TAF2: variants seen among roughly 807,000 people sequenced by gnomAD.
TAF2 encodes the protein transcription initiation factor TFIID subunit 2.
Under a neutral mutation model 138.5 loss-of-function variants are expected in TAF2, and 61 were observed. The ratio of observed to expected loss-of-function variants is 0.44; its 90% CI spans 0.36 to 0.54. The LOEUF is 0.54. Among genes scored for constraint, TAF2 ranks in the 20% least tolerant of loss-of-function variants. The probability of loss-of-function intolerance (pLI) is 0.00; values close to 1 mark genes in which losing one functional copy is unlikely to be tolerated. For synonymous variants in TAF2, 475 were observed against 469.9 expected (o/e 1.01, Z -0.14); for missense variants, 1,090 against 1,427.9 (o/e 0.76, Z 3.81).
intron 21 of TAF2, among the ~76,000 whole-genome samples, chr8:119,756,515 A>G (rs180971997): frequency 6.6e-6 from 1 of 152,318 alleles, no homozygotes; most frequent in African/African-American, 2.4e-5. Context: ...ACTGGTCAGT[A>G]AGTATAAAAA....
intron 20 of TAF2, 130 bp from the exon 21 acceptor site, chr8:119,758,272 G>T: frequency 1.3e-6 from 1 of 755,598 alleles, no homozygotes; most frequent in Non-Finnish European, 2.2e-6. Flanking sequence ...CAGAGTTGAA[G>T]GTTATAGGTA....
chr8:119,743,123 T>C (rs1297252772), intron 24 of TAF2, among the ~76,000 whole-genome samples: 1 of 152,012 alleles, frequency 6.6e-6, no homozygotes, highest in East Asian at 1.9e-4. Flanking sequence ...CTGAGTTATT[T>C]TACAGTTACT....
At chr8:119,819,240 C>T (rs1825674443) in intron 3 of TAF2, 106 bp downstream of exon 3, 12 of 1,150,622 alleles carry the variant, frequency 1.0e-5, no homozygotes, top group Non-Finnish European at 1.4e-5. Flanking sequence ...GATTCAAAGC[C>T]CATTAACGAT....
At chr8:119,801,435 CTTTTTT>C (rs112527778) in intron 6 of TAF2, among the ~76,000 whole-genome samples, 1 of 139,708 alleles carries the variant, frequency 7.2e-6, no homozygotes, top group African/African-American at 2.6e-5. Context: ...TAATATCTAC[CTTTTTT>C]TTTTTTTTTT....
In TAF2 at chr8:119,778,161, A is replaced by C. The variant is rs7843412; in HGVS notation, c.2254-32T>G. 1.8e-3 allele frequency: 2,425 copies of C among 1,329,446 alleles called. 32 individuals carry two copies. The African/African-American group carries it at 0.032, about 17-fold the overall frequency. The allele number at this position is 1,329,446 out of a possible 1,614,324, so 82.4% of individuals were successfully genotyped here. A position where few individuals can be genotyped will look rare whatever the true frequency, so the allele number is the denominator to read the frequency against. Reference sequence around the variant, plus strand: ...AAGAAAAAAAAGAACTTTTAAAAGCACAGAACCTAACTTTTTGTTACTACA... The same window carrying C: ...AAGAAAAAAAAGAACTTTTAAAAGCCCAGAACCTAACTTTTTGTTACTACA... On this transcript the variant is annotated intron_variant, in intron 17 of 25. Transcript: ENST00000378164.
rs1383586798 is a variant in TAF2 at position 119,785,240 on chromosome 8, A to T, written c.1820T>A (p.Met607Lys). Residue 607 changes from methionine (M) to lysine (K), a missense_variant, in exon 15 of 26, where the codon ATG becomes AAG. Physicochemically the swap from Met to Lys is moderately conservative, Grantham distance 95. Transcript: ENST00000378164. ...ATCCATATCAACTTCTTCTCCATTC[A>T]TCAGTGGGATTTTTTTCTTTTTATT... ...RRNKKKKIPL[M>K]NGEEVDMDLS... 2 of 1,612,778 alleles carry T rather than the reference A, an allele frequency of 1.2e-6. No individual in the cohort carries two copies. Among genetic ancestry groups the T allele is most frequent in the Non-Finnish European group, 1.7e-6 (2 of 1,179,270 alleles).
rs535757712 is a variant in TAF2 at position 119,832,570 on chromosome 8, G to A, written c.-6C>T. On this transcript the variant is annotated 5_prime_UTR_variant, in exon 1 of 26. Transcript: ENST00000378164. ...TCTACACCAGTCAGCGGCATGAAGC[G>A]GTCCCGCGGAGCTTGGCTTCCCGGC... The A allele has an allele frequency of 1.1e-5, 17 of 1,612,276 alleles. No individual in the cohort carries two copies. Among genetic ancestry groups the A allele is most frequent in the Non-Finnish European group, 1.4e-5 (16 of 1,179,930 alleles).
intron 9 of TAF2, among the ~76,000 whole-genome samples, chr8:119,794,740 T>C (rs1317968859): frequency 6.6e-6 from 1 of 152,210 alleles, no homozygotes; most frequent in Non-Finnish European, 1.5e-5. Context: ...TAATAGTTTC[T>C]GAAATAAAGA....
chr8:119,830,302 T>C (rs756459597), intron 2 of TAF2, among the ~76,000 whole-genome samples: 1 of 152,210 alleles, frequency 6.6e-6, no homozygotes, highest in Non-Finnish European at 1.5e-5. Flanking sequence ...AGTGAGTTAA[T>C]ACACATAAAC....
chr8:119,734,683 A>C (rs1050972998), intron 25 of TAF2, among the ~76,000 whole-genome samples: 2 of 152,188 alleles, frequency 1.3e-5, no homozygotes, highest in African/African-American at 2.4e-5. Context: ...GAAAATATTG[A>C]TAAACTAGAC....
At chr8:119,758,218 T>G in intron 20 of TAF2, 76 bp from the exon 21 acceptor site, 1 of 1,290,402 alleles carries the variant, frequency 7.7e-7, no homozygotes. Context: ...AAGCAGGGAG[T>G]TTACATTTAA....
chr8:119,750,579 ATG>A (rs1186148546), intron 22 of TAF2, among the ~76,000 whole-genome samples: 4 of 152,060 alleles, frequency 2.6e-5, no homozygotes, highest in African/African-American at 9.6e-5. Context: ...ATTTCTATTT[ATG>A]TGTGTGTGTG....
In TAF2 at chr8:119,741,635, T is replaced by A. The variant is rs566833247; in HGVS notation, c.3337+899A>T. The stretch of plus-strand genomic sequence containing the variant: ...TGTGCTGCTTTTGTTTGAAGTCCCC[T>A]GTTAATAACAGTTAATTTATAAGCT... On this transcript the variant is annotated intron_variant, in intron 25 of 25. Coordinates refer to ENST00000378164, the MANE Select transcript of TAF2 (RefSeq NM_003184.4). Among the ~76,000 whole-genome samples the A allele has an allele frequency of 9.2e-5, 14 of 152,328 alleles. No homozygotes were observed. In the South Asian group the frequency reaches 2.9e-3, roughly 32 times the overall value.
intron 9 of TAF2, among the ~76,000 whole-genome samples, chr8:119,794,822 T>A (rs1408862169): frequency 6.6e-6 from 1 of 152,190 alleles, no homozygotes; most frequent in East Asian, 1.9e-4. Flanking sequence ...AATTAACTTT[T>A]TGGCTTACTT....
At chr8:119,818,007 G>A (rs1825585558) in intron 3 of TAF2, among the ~76,000 whole-genome samples, 1 of 152,224 alleles carries the variant, frequency 6.6e-6, no homozygotes, top group African/African-American at 2.4e-5. Context: ...AAAGTTACAG[G>A]AGTAAATCAG....
At chr8:119,783,681 A>C in intron 15 of TAF2, 48 bp from the exon 16 acceptor site, 3 of 1,548,104 alleles carry the variant, frequency 1.9e-6, no homozygotes, top group Admixed American at 3.6e-5. Context: ...TAAACTTATC[A>C]TCTATATATT....
intron 3 of TAF2, among the ~76,000 whole-genome samples, chr8:119,806,810 A>G (rs1824691055): frequency 1.3e-5 from 2 of 152,072 alleles, no homozygotes; most frequent in Non-Finnish European, 2.9e-5. Flanking sequence ...AATTATTTGT[A>G]AGCATTTTAT....
chr8:119,764,231 T>A (rs2131069599), intron 18 of TAF2, among the ~76,000 whole-genome samples: 1 of 152,322 alleles, frequency 6.6e-6, no homozygotes, highest in Non-Finnish European at 1.5e-5. Flanking sequence ...TCATCTATGT[T>A]TTGGCATAAG....
At chr8:119,820,419 C>T (rs1248499465) in intron 2 of TAF2, among the ~76,000 whole-genome samples, 1 of 152,152 alleles carries the variant, frequency 6.6e-6, no homozygotes, top group Non-Finnish European at 1.5e-5. Flanking sequence ...AGGTACCAGA[C>T]ATTACACTAG....
Sources: allele counts gnomAD v4.1 joint callset (sites outside exome capture counted in the v4.1 genomes callset), GRCh38; gene constraint gnomAD v4.1.1; transcripts MANE v1.5; gene names NCBI Gene and HGNC (gene_info 2026-07-23, HGNC 2026-07-21).